Variants in NBAS observed in about 807,000 individuals in gnomAD.
NBAS encodes NBAS subunit of NRZ tethering complex.
In NBAS, 219 loss-of-function variants were observed where a neutral mutation model predicts 302.5. The observed-to-expected ratio is 0.72, with a 90% CI of 0.65 to 0.81. The LOEUF (loss-of-function observed/expected upper bound fraction) is 0.81. Among genes scored for constraint, NBAS ranks in the 30% least tolerant of loss-of-function variants. The pLI is 0.00. For synonymous variants in NBAS, 1,118 were observed against 1,021.6 expected (o/e 1.09, Z -1.80); for missense variants, 2,932 against 2,841.6 (o/e 1.03, Z -0.72).
chr2:15,346,216 G>A (rs1312529881), intron 35 of NBAS, among the ~76,000 whole-genome samples: 1 of 151,994 alleles, frequency 6.6e-6, no homozygotes, highest in Non-Finnish European at 1.5e-5. Flanking sequence ...AGAGTGAACA[G>A]GCAACCTACA....
chr2:15,005,180 C>T, the NBAS span, among the ~76,000 whole-genome samples: 8 of 152,108 alleles, frequency 5.3e-5, no homozygotes, highest in South Asian at 2.1e-4. Flanking sequence ...GTTAAATGCG[C>T]GCATGGGTAT....
At chr2:15,105,177 A>C in the NBAS span, among the ~76,000 whole-genome samples, 1 of 152,144 alleles carries the variant, frequency 6.6e-6, no homozygotes, top group African/African-American at 2.4e-5. Flanking sequence ...CAAACACTGC[A>C]TGTTCTCACT....
Position 15,276,837 on chromosome 2 carries a change from A to C in NBAS, c.5389+14T>G. 6.2e-7 allele frequency: 1 copy of C among 1,614,008 alleles called. No individual in the cohort carries two copies. On this transcript the variant is annotated intron_variant, in intron 43 of 51. Transcript: ENST00000281513. ...TGAAAAGAATGAATTCAAGCAGGGA[A>C]ACAACCATCCTACCTGATGCAACAA...
the NBAS span, among the ~76,000 whole-genome samples, chr2:15,148,174 C>T: frequency 6.6e-6 from 1 of 152,292 alleles, no homozygotes; most frequent in African/African-American, 2.4e-5. Context: ...CTTGCACACC[C>T]CAATCATAGG....
intron 25 of NBAS, among the ~76,000 whole-genome samples, chr2:15,407,958 A>T (rs1481721091): frequency 6.6e-6 from 1 of 152,098 alleles, no homozygotes; most frequent in East Asian, 1.9e-4. Context: ...TACTTGTCTC[A>T]AGGCCCCTTT....
intron 19 of NBAS, among the ~76,000 whole-genome samples, chr2:15,466,199 G>C (rs1679716895): frequency 6.6e-6 from 1 of 152,074 alleles, no homozygotes; most frequent in South Asian, 2.1e-4. Flanking sequence ...TTTTGGATTT[G>C]CCTGCATGGT....
chr2:15,301,351 C>G (rs1670785019), intron 40 of NBAS, among the ~76,000 whole-genome samples: 2 of 152,292 alleles, frequency 1.3e-5, no homozygotes, highest in South Asian at 4.2e-4. Context: ...CTCAAAGGAT[C>G]AAACAGCAGA....
chr2:14,831,698 C>A, the NBAS span, among the ~76,000 whole-genome samples: 1 of 152,172 alleles, frequency 6.6e-6, no homozygotes, highest in Non-Finnish European at 1.5e-5. Context: ...CGATGAAGCC[C>A]TAGCTCTACT....
At chr2:15,552,207 C>T (rs1664416026) in intron 5 of NBAS, among the ~76,000 whole-genome samples, 1 of 152,084 alleles carries the variant, frequency 6.6e-6, no homozygotes, top group Non-Finnish European at 1.5e-5. Context: ...ATTACAGATA[C>T]ATACAGATAT....
chr2:15,556,948 G>C, intron 2 of NBAS, 129 bp from the exon 3 acceptor site: 1 of 722,642 alleles, frequency 1.4e-6, no homozygotes, highest in Non-Finnish European at 2.4e-6. Flanking sequence ...AAGAACTCAA[G>C]TCTTAAAATG....
the NBAS span, among the ~76,000 whole-genome samples, chr2:14,868,715 T>C: frequency 6.6e-6 from 1 of 152,246 alleles, no homozygotes; most frequent in Non-Finnish European, 1.5e-5. Context: ...GCTACTAGAC[T>C]GTCTTGTGTA....
At chr2:15,080,465 G>A in the NBAS span, among the ~76,000 whole-genome samples, 7 of 152,328 alleles carry the variant, frequency 4.6e-5, no homozygotes, top group African/African-American at 1.7e-4. Flanking sequence ...GCAAGAAAGA[G>A]GGCTGAAAGA....
rs775696033 is a variant in NBAS at position 15,394,365 on chromosome 2, G to C, written c.3135-16C>G. ...CTCTGACACACTATAAGTGAAAAAA[G>C]AATTATTTAATGTCTTGCTACCAAA... On this transcript the variant is annotated splice_polypyrimidine_tract_variant and intron_variant, in intron 27 of 51. Transcript: ENST00000281513. The C allele has an allele frequency of 1.9e-6, 3 of 1,611,198 alleles. No individual in the cohort carries two copies. In the African/African-American group the frequency reaches 4.0e-5, roughly 22 times the overall value.
At chr2:14,964,579 A>C in the NBAS span, among the ~76,000 whole-genome samples, 1 of 152,198 alleles carries the variant, frequency 6.6e-6, no homozygotes, top group East Asian at 1.9e-4. Context: ...ACAAATAGAC[A>C]AACCCACAGT....
chr2:14,809,250 A>G, the NBAS span, among the ~76,000 whole-genome samples: 1 of 152,358 alleles, frequency 6.6e-6, no homozygotes, highest in South Asian at 2.1e-4. Flanking sequence ...GACAATGGGG[A>G]AAATGTTTCC....
the NBAS span, among the ~76,000 whole-genome samples, chr2:15,149,216 T>G: frequency 6.6e-6 from 1 of 152,180 alleles, no homozygotes; most frequent in Admixed American, 6.5e-5. Context: ...GATAAAAGGA[T>G]GAGGTTGTCC....
the NBAS span, among the ~76,000 whole-genome samples, chr2:14,874,177 G>A: frequency 6.6e-6 from 1 of 152,054 alleles, no homozygotes; most frequent in Non-Finnish European, 1.5e-5. Flanking sequence ...TGCTTAAAGG[G>A]ACCAATGCCT....
At chr2:15,462,309 G>A (rs1679541856) in intron 19 of NBAS, among the ~76,000 whole-genome samples, 1 of 152,132 alleles carries the variant, frequency 6.6e-6, no homozygotes, top group Non-Finnish European at 1.5e-5. Flanking sequence ...AATCTAGTAG[G>A]AAAGACCAGG....
the NBAS span, among the ~76,000 whole-genome samples, chr2:14,909,166 A>G: frequency 6.6e-6 from 1 of 151,878 alleles, no homozygotes; most frequent in South Asian, 2.1e-4. Context: ...TAAAAATACA[A>G]AACATTAGCC....
Sources: allele counts gnomAD v4.1 joint callset (sites outside exome capture counted in the v4.1 genomes callset), GRCh38; gene constraint gnomAD v4.1.1; transcripts MANE v1.5; gene names NCBI Gene and HGNC (gene_info 2026-07-23, HGNC 2026-07-21).